The following CSMD2 variants were observed in gnomAD, a reference collection of about 807,000 sequenced individuals.
CSMD2 encodes the protein CUB and Sushi multiple domains 2, also known as CUB and sushi domain-containing protein 2.
A neutral mutation model predicts 398.5 loss-of-function variants in CSMD2; 130 were observed. The ratio of observed to expected loss-of-function variants is 0.33; its 90% CI spans 0.28 to 0.38. The LOEUF is 0.38. Ranked by LOEUF, CSMD2 falls within the 10% of genes least tolerant of loss-of-function variation. The probability of loss-of-function intolerance (pLI) is 1.00; values close to 1 mark genes in which losing one functional copy is unlikely to be tolerated. For missense variants in CSMD2, 3,829 were observed against 4,764.9 expected, an observed-to-expected ratio of 0.80 and a Z score of 5.78; for synonymous variants, 1,828 against 1,908.5, an observed-to-expected ratio of 0.96 and a Z score of 1.10.
intron 4 of CSMD2, among the ~76,000 whole-genome samples, chr1:33,934,505 G>C (rs1644407003): frequency 6.6e-6 from 1 of 152,182 alleles, no homozygotes; most frequent in African/African-American, 2.4e-5. Flanking sequence ...CTTACAGTGT[G>C]ATGTGATTGA....
At chr1:34,045,050 C>T (rs1302809664) in intron 2 of CSMD2, among the ~76,000 whole-genome samples, 2 of 147,958 alleles carry the variant, frequency 1.4e-5, no homozygotes, top group African/African-American at 2.4e-5. Flanking sequence ...CACACACACA[C>T]ACACACACAC....
chr1:33,909,853 C>T (rs1283491058), intron 5 of CSMD2, among the ~76,000 whole-genome samples: 2 of 152,146 alleles, frequency 1.3e-5, no homozygotes. Flanking sequence ...CACATCCAGC[C>T]TTATCTTCTT....
intron 5 of CSMD2, among the ~76,000 whole-genome samples, chr1:33,856,339 C>A (rs1438746430): frequency 6.6e-6 from 1 of 152,146 alleles, no homozygotes; most frequent in Non-Finnish European, 1.5e-5. Flanking sequence ...GTACCCAGAC[C>A]AGCCAGTACA....
intron 4 of CSMD2, among the ~76,000 whole-genome samples, chr1:33,934,644 G>T (rs573553413): frequency 3.6e-4 from 55 of 152,164 alleles, no homozygotes; most frequent in Non-Finnish European, 7.8e-4. Context: ...TAAAATCACA[G>T]TTAAAACAGG....
chr1:34,008,009 T>C (rs1303379942), intron 3 of CSMD2, among the ~76,000 whole-genome samples: 1 of 152,182 alleles, frequency 6.6e-6, no homozygotes, highest in East Asian at 1.9e-4. Flanking sequence ...GTTTGACTAT[T>C]TGAAAAAGCC....
At chr1:33,968,585 G>A (rs1570664374) in intron 3 of CSMD2, among the ~76,000 whole-genome samples, 2 of 152,338 alleles carry the variant, frequency 1.3e-5, no homozygotes, top group Admixed American at 6.5e-5. Flanking sequence ...TGGCCTCTGG[G>A]ATGAAAGGGC....
In CSMD2 at chr1:33,837,464, T is replaced by A. The variant is rs5016388; in HGVS notation, c.1033+9420A>T. 4.4e-4 allele frequency among the ~76,000 whole-genome samples: 4 copies of A among 9,126 alleles called. No homozygotes were observed. The African/African-American group carries it at 9.5e-3, about 22-fold the overall frequency. 6.0% of individuals were successfully genotyped at this position (9,126 alleles called of 152,430 possible). A position where few individuals can be genotyped will look rare whatever the true frequency, so the allele number is the denominator to read the frequency against. ...TGAACCACTTGTCTGTAAAAAGAAG[T>A]TTTTTACTATCAATGCAGTGGAGGT... On this transcript the variant is annotated intron_variant, in intron 6 of 70. Coordinates refer to ENST00000373381, the MANE Select transcript of CSMD2 (RefSeq NM_001281956.2).
chr1:33,546,602 G>T (rs1025433034), intron 56 of CSMD2, among the ~76,000 whole-genome samples: 2 of 152,150 alleles, frequency 1.3e-5, no homozygotes, highest in African/African-American at 4.8e-5. Flanking sequence ...TCTTAGCTTA[G>T]ACATTCAACA....
chr1:33,759,487 G>A (rs956097143), intron 13 of CSMD2, among the ~76,000 whole-genome samples: 3 of 151,566 alleles, frequency 2.0e-5, no homozygotes, highest in Admixed American at 6.6e-5. Flanking sequence ...CACCATGCCC[G>A]GCTAATTTTT....
intron 13 of CSMD2, among the ~76,000 whole-genome samples, chr1:33,757,623 G>A (rs1293751270): frequency 1.3e-5 from 2 of 152,094 alleles, no homozygotes; most frequent in African/African-American, 2.4e-5. Context: ...CCAGACTTGA[G>A]GCAAAACTGT....
At chr1:33,871,665 G>T (rs1466628317) in intron 5 of CSMD2, among the ~76,000 whole-genome samples, 1 of 152,146 alleles carries the variant, frequency 6.6e-6, no homozygotes, top group Non-Finnish European at 1.5e-5. Context: ...TGCCCAGGCT[G>T]GAGTGTAGTA....
intron 27 of CSMD2, among the ~76,000 whole-genome samples, chr1:33,655,865 G>A (rs1643930426): frequency 1.3e-5 from 2 of 152,146 alleles, no homozygotes; most frequent in Non-Finnish European, 1.5e-5. Context: ...GATGAAAACT[G>A]AATTAACCTC....
intron 10 of CSMD2, among the ~76,000 whole-genome samples, chr1:33,802,909 A>G (rs181451711): frequency 1.3e-4 from 20 of 151,864 alleles, no homozygotes; most frequent in Admixed American, 7.2e-4. Context: ...AGTAACCCCA[A>G]ACTTTCTCTC....
At chr1:33,693,505 T>C (rs1645312165) in intron 24 of CSMD2, among the ~76,000 whole-genome samples, 2 of 152,176 alleles carry the variant, frequency 1.3e-5, no homozygotes, top group Non-Finnish European at 2.9e-5. Context: ...AAATGTAAAA[T>C]GGTGCAGCTG....
intron 36 of CSMD2, among the ~76,000 whole-genome samples, 170 bp from the exon 37 acceptor site, chr1:33,622,441 A>G (rs943314941): frequency 7.9e-5 from 12 of 152,174 alleles, no homozygotes; most frequent in African/African-American, 2.7e-4. Context: ...TCAGAGGGCT[A>G]GGTCTCTACT....
chr1:33,888,043 G>GA (rs1272547386), intron 5 of CSMD2, among the ~76,000 whole-genome samples: 3 of 151,884 alleles, frequency 2.0e-5, no homozygotes, highest in Admixed American at 1.3e-4. Flanking sequence ...AAGGACCTAG[G>GA]AAAAAAACCT....
At chr1:34,122,355 C>T (rs1163824146) in intron 1 of CSMD2, among the ~76,000 whole-genome samples, 3 of 152,068 alleles carry the variant, frequency 2.0e-5, no homozygotes, top group Non-Finnish European at 2.9e-5. Flanking sequence ...CTACCCTCTC[C>T]TCCAGGCACC....
intron 1 of CSMD2, among the ~76,000 whole-genome samples, chr1:34,148,569 A>G (rs576947682): frequency 6.8e-6 from 1 of 147,748 alleles, no homozygotes; most frequent in Non-Finnish European, 1.5e-5. Flanking sequence ...ATCTGCGGAC[A>G]CAGCAGTGAA....
chr1:34,125,904 T>A (rs184787998), intron 1 of CSMD2, among the ~76,000 whole-genome samples: 43 of 152,026 alleles, frequency 2.8e-4, no homozygotes, highest in Non-Finnish European at 2.9e-4. Flanking sequence ...GAGGGGGAGA[T>A]CTCCAGGACC....
Sources: gnomAD v4.1 joint callset for allele counts (sites outside exome capture counted in the v4.1 genomes callset) on GRCh38, gnomAD v4.1.1 for gene constraint, MANE v1.5 for transcripts, NCBI Gene and HGNC (gene_info 2026-07-23, HGNC 2026-07-21) for gene names.